The following SENP6 variants were observed in gnomAD, a reference collection of about 807,000 sequenced individuals.
The protein encoded by SENP6 is sentrin-specific protease 6.
In SENP6, 41 loss-of-function variants were observed where a neutral mutation model predicts 134.5. The ratio of observed to expected loss-of-function variants is 0.30; its 90% CI spans 0.24 to 0.40. SENP6 has a LOEUF of 0.40. SENP6 is among the 10% of genes least tolerant of loss of function. SENP6 has a pLI of 1.00. For synonymous variants in SENP6, 395 were observed against 429.8 expected (o/e 0.92, Z 1.00); for missense variants, 1,248 against 1,312.5 (o/e 0.95, Z 0.76).
At chr6:75,645,378 G>A (rs1770352636) in intron 6 of SENP6, among the ~76,000 whole-genome samples, 1 of 152,180 alleles carries the variant, frequency 6.6e-6, no homozygotes, top group African/African-American at 2.4e-5. Flanking sequence ...CACTTTGGGA[G>A]GCCGAGGCAG....
intron 18 of SENP6, among the ~76,000 whole-genome samples, chr6:75,700,400 T>A (rs918617138): frequency 1.3e-5 from 2 of 152,248 alleles, no homozygotes; most frequent in African/African-American, 4.8e-5. Flanking sequence ...TTAGCCACAT[T>A]GGCATAGCTA....
chr6:75,648,516 AT>A (rs919067689), intron 7 of SENP6, among the ~76,000 whole-genome samples: 47 of 150,698 alleles, frequency 3.1e-4, no homozygotes, highest in African/African-American at 1.0e-3. Flanking sequence ...AAACACCCAC[AT>A]TTTTTTTTCT....
intron 16 of SENP6, among the ~76,000 whole-genome samples, chr6:75,690,263 C>T (rs1303125214): frequency 6.6e-6 from 1 of 152,180 alleles, no homozygotes; most frequent in African/African-American, 2.4e-5. Context: ...TAACAGCATT[C>T]ATAATAGCTG....
intron 9 of SENP6, among the ~76,000 whole-genome samples, chr6:75,666,205 GATAT>G (rs1198190834): frequency 5.0e-5 from 6 of 120,358 alleles, no homozygotes; most frequent in East Asian, 2.1e-4. Flanking sequence ...ACGTATATAT[GATAT>G]ATATAAGTAT....
At chr6:75,660,992 AAGG>A (rs1398646276) in intron 8 of SENP6, among the ~76,000 whole-genome samples, 10 of 152,098 alleles carry the variant, frequency 6.6e-5, no homozygotes, top group Non-Finnish European at 1.2e-4. Context: ...CCATGCATAC[AAGG>A]AGAAGGAAAT....
In SENP6 at chr6:75,634,831, TTGGTTAGTATATACA is replaced by T; in HGVS notation, c.458+24_458+38del. 6.7e-7 allele frequency: 1 copy of T among 1,486,282 alleles called. No homozygotes were observed. The allele number at this position is 1,486,282 out of a possible 1,614,324, so 92.1% of individuals were successfully genotyped here. A position where few individuals can be genotyped will look rare whatever the true frequency, so the allele number is the denominator to read the frequency against. On this transcript the variant is annotated intron_variant, in intron 5 of 23. Coordinates refer to ENST00000447266, the MANE Select transcript of SENP6 (RefSeq NM_015571.4). Reference sequence around the variant, plus strand: ...CCAAAGGTAAGAATTCTAATTGTCTTTGGTTAGTATATACATGGCATCTTCTTCAATAGGTTTTCA... The same window carrying T: ...CCAAAGGTAAGAATTCTAATTGTCTTTGGCATCTTCTTCAATAGGTTTTCA...
At chr6:75,643,271 A>G (rs1770168303) in intron 6 of SENP6, among the ~76,000 whole-genome samples, 1 of 152,242 alleles carries the variant, frequency 6.6e-6, no homozygotes, top group Non-Finnish European at 1.5e-5. Context: ...ATTTAACAAA[A>G]GACATGCTGA....
intron 7 of SENP6, among the ~76,000 whole-genome samples, chr6:75,652,696 A>AAAAAAAAAAAAAG (rs796549538): frequency 6.7e-6 from 1 of 148,814 alleles, no homozygotes; most frequent in Admixed American, 6.7e-5. Context: ...AAAAAAAAAA[A>AAAAAAAAAAAAAG]AAAAAAAGAA....
intron 5 of SENP6, among the ~76,000 whole-genome samples, chr6:75,639,435 A>G (rs528490780): frequency 6.6e-6 from 1 of 151,820 alleles, no homozygotes; most frequent in South Asian, 2.1e-4. Flanking sequence ...AAGTTACTAT[A>G]TTTTTTTTCT....
chr6:75,710,048 C>T (rs952250505), intron 20 of SENP6, among the ~76,000 whole-genome samples: 1 of 152,152 alleles, frequency 6.6e-6, no homozygotes, highest in Non-Finnish European at 1.5e-5. Flanking sequence ...CACCAATACC[C>T]ACCTTCCTCT....
intron 1 of SENP6, among the ~76,000 whole-genome samples, chr6:75,607,483 T>C (rs1767114769): frequency 6.6e-6 from 1 of 152,148 alleles, no homozygotes; most frequent in Non-Finnish European, 1.5e-5. Flanking sequence ...CTAACAAGCC[T>C]ACCTACTCTC....
intron 16 of SENP6, among the ~76,000 whole-genome samples, chr6:75,689,513 G>A (rs1255369764): frequency 6.6e-6 from 1 of 152,116 alleles, no homozygotes; most frequent in Admixed American, 6.6e-5. Flanking sequence ...CAGTGCGTAG[G>A]CTCCTCAAAA....
chr6:75,626,922 C>T (rs1346078273), intron 3 of SENP6, among the ~76,000 whole-genome samples: 1 of 151,020 alleles, frequency 6.6e-6, no homozygotes, highest in African/African-American at 2.4e-5. Flanking sequence ...TTTTTTTTTC[C>T]CTCTGCAACA....
At chr6:75,654,989 G>A (rs535253816) in intron 7 of SENP6, 1 of 152,264 alleles carries the variant, frequency 6.6e-6, no homozygotes, top group East Asian at 1.9e-4. Context: ...GTAGACGCCT[G>A]GTATACTTCT....
At chr6:75,617,795 C>G (rs1767974543) in intron 1 of SENP6, among the ~76,000 whole-genome samples, 1 of 152,138 alleles carries the variant, frequency 6.6e-6, no homozygotes, top group African/African-American at 2.4e-5. Flanking sequence ...ATTTGATTGT[C>G]TTGTCTCCTT....
chr6:75,619,310 A>C (rs949530281), intron 1 of SENP6, among the ~76,000 whole-genome samples: 1 of 152,104 alleles, frequency 6.6e-6, no homozygotes, highest in South Asian at 2.1e-4. Flanking sequence ...GGTACTTCAT[A>C]TATGTGGAAT....
intron 19 of SENP6, among the ~76,000 whole-genome samples, chr6:75,706,562 A>G (rs539099707): frequency 6.6e-6 from 1 of 152,316 alleles, no homozygotes; most frequent in South Asian, 2.1e-4. Context: ...ATAGCCTCAA[A>G]AATCCTAATG....
chr6:75,619,030 T>C (rs201470021), intron 1 of SENP6, among the ~76,000 whole-genome samples: 23 of 147,464 alleles, frequency 1.6e-4, no homozygotes, highest in Admixed American at 1.0e-3. Context: ...TTTTTTTTTT[T>C]CCTTTTAAAA....
Position 75,676,064 on chromosome 6 carries a change from G to A in SENP6, c.1621+10G>A, listed in dbSNP as rs749451982. ...GTAAATAAATTAACAAGTAAGTTGT[G>A]TAAAACAGATTATAATAGATAATAA... is the stretch of plus-strand genomic sequence containing the variant. On this transcript the variant is annotated intron_variant, in intron 13 of 23. Transcript: ENST00000447266. 6.5e-7 allele frequency: 1 copy of A among 1,541,978 alleles called. No homozygotes were observed. Among genetic ancestry groups the A allele is most frequent in the Non-Finnish European group, 8.8e-7 (1 of 1,135,424 alleles).
Sources: allele counts gnomAD v4.1 joint callset (sites outside exome capture counted in the v4.1 genomes callset), GRCh38; gene constraint gnomAD v4.1.1; transcripts MANE v1.5; gene names NCBI Gene and HGNC (gene_info 2026-07-23, HGNC 2026-07-21).